Variants in GRB14 observed in about 807,000 individuals in gnomAD.
GRB14 encodes growth factor receptor bound protein 14, also known as growth factor receptor-bound protein 14.
Under a neutral mutation model 69.1 loss-of-function variants are expected in GRB14, and 38 were observed. The ratio of observed to expected loss-of-function variants is 0.55; its 90% CI spans 0.42 to 0.72. The LOEUF is 0.72. Among genes scored for constraint, GRB14 ranks in the 30% least tolerant of loss-of-function variants. GRB14 has a pLI of 0.00. For synonymous variants in GRB14, 247 were observed against 241.3 expected (o/e 1.02, Z -0.22); for missense variants, 666 against 666.1 (o/e 1.00, Z 0.00).
At position 164,558,742 on chromosome 2, in the gene GRB14, T is replaced by A. The variant is rs116139810; in HGVS notation, c.325-10926A>T. 6.7e-3 allele frequency among the ~76,000 whole-genome samples: 1,025 copies of A among 152,268 alleles called. 5 individuals are homozygous for A. Among genetic ancestry groups the A allele is most frequent in the Middle Eastern group, 0.014 (4 of 294 alleles). On this transcript the variant is annotated intron_variant, in intron 2 of 13. Transcript: ENST00000263915. ...CAATAGTTTATTCCCAGAACAGCCA[T>A]AAGACATGTCTAAGTGAAAAAGTTA...
intron 2 of GRB14, among the ~76,000 whole-genome samples, chr2:164,589,621 C>T (rs1339498550): frequency 6.6e-6 from 1 of 152,042 alleles, no homozygotes; most frequent in Non-Finnish European, 1.5e-5. Context: ...ACTAATTTGC[C>T]TCCCACTCAA....
intron 2 of GRB14, among the ~76,000 whole-genome samples, chr2:164,615,171 T>A (rs1043233178): frequency 6.6e-6 from 1 of 152,150 alleles, no homozygotes; most frequent in African/African-American, 2.4e-5. Flanking sequence ...AATCTTAAAA[T>A]GCAGGTGACA....
intron 2 of GRB14, among the ~76,000 whole-genome samples, chr2:164,591,748 A>T (rs1689669335): frequency 6.6e-6 from 1 of 152,126 alleles, no homozygotes; most frequent in South Asian, 2.1e-4. Flanking sequence ...CTGAGCTGAC[A>T]CACTTGGTAA....
At chr2:164,556,667 T>C (rs1688684898) in intron 2 of GRB14, among the ~76,000 whole-genome samples, 1 of 152,164 alleles carries the variant, frequency 6.6e-6, no homozygotes, top group Non-Finnish European at 1.5e-5. Flanking sequence ...CCCTCATATC[T>C]TAGGATAAAC....
At chr2:164,493,252 A>G in intron 13 of GRB14, 70 bp from the exon 14 acceptor site, 1 of 1,433,906 alleles carries the variant, frequency 7.0e-7, no homozygotes, top group South Asian at 1.3e-5. Flanking sequence ...ATTCGATTGC[A>G]AACTATCTCC....
chr2:164,513,804 G>A (rs1446495098), intron 6 of GRB14, among the ~76,000 whole-genome samples: 1 of 152,138 alleles, frequency 6.6e-6, no homozygotes, highest in Non-Finnish European at 1.5e-5. Flanking sequence ...AGAAGCAACA[G>A]TGTTGTCATT....
In GRB14 at chr2:164,549,406, C is replaced by G. The variant is rs189969870; in HGVS notation, c.325-1590G>C. ...TACAGTGTCTTCTACATTTAATTTT[C>G]TTATACACTGAATGAATGTTATCTA... is the stretch of plus-strand genomic sequence containing the variant. On this transcript the variant is annotated intron_variant, in intron 2 of 13. Transcript: ENST00000263915. Among the ~76,000 whole-genome samples the G allele has an allele frequency of 9.4e-4, 143 of 152,212 alleles. 1 individual carries two copies. Among genetic ancestry groups the G allele is most frequent in the African/African-American group, 3.2e-3 (132 of 41,526 alleles).
chr2:164,610,104 T>C (rs1482074420), intron 2 of GRB14, among the ~76,000 whole-genome samples: 1 of 152,186 alleles, frequency 6.6e-6, no homozygotes, highest in African/African-American at 2.4e-5. Flanking sequence ...TTCTCTTAAA[T>C]CTATGTTTGA....
intron 2 of GRB14, among the ~76,000 whole-genome samples, chr2:164,606,443 G>A (rs778134446): frequency 3.9e-5 from 6 of 152,022 alleles, no homozygotes; most frequent in Non-Finnish European, 8.8e-5. Flanking sequence ...CTTTCATTAC[G>A]ACTCCTCTTT....
chr2:164,528,505 T>G (rs969982822), intron 3 of GRB14, among the ~76,000 whole-genome samples: 1 of 152,132 alleles, frequency 6.6e-6, no homozygotes, highest in African/African-American at 2.4e-5. Context: ...GAAAGTAATA[T>G]CATTCTTAAA....
intron 2 of GRB14, among the ~76,000 whole-genome samples, chr2:164,589,549 G>C (rs74557800): frequency 0.012 from 1,823 of 152,192 alleles, 33 homozygotes; most frequent in African/African-American, 0.041. Context: ...GGAAGCAAGA[G>C]AGAGAAAGGA....
intron 7 of GRB14, 37 bp downstream of exon 7, chr2:164,508,705 C>A: frequency 6.6e-7 from 1 of 1,509,126 alleles, no homozygotes; most frequent in South Asian, 1.2e-5. Context: ...AAGGCTGAGG[C>A]TTGCTTTATT....
At chr2:164,618,254 G>GT (rs1035574279) in intron 2 of GRB14, among the ~76,000 whole-genome samples, 16 of 151,508 alleles carry the variant, frequency 1.1e-4, no homozygotes, top group African/African-American at 3.9e-4. Context: ...GATTACAGGC[G>GT]TGAGCCACCG....
At chr2:164,535,642 C>T (rs973712253) in intron 3 of GRB14, among the ~76,000 whole-genome samples, 6 of 152,166 alleles carry the variant, frequency 3.9e-5, no homozygotes, top group Non-Finnish European at 1.5e-5. Context: ...TTTTGTCAAT[C>T]TTATTTTCAG....
At chr2:164,511,785 C>T (rs1687344458) in intron 6 of GRB14, among the ~76,000 whole-genome samples, 1 of 152,058 alleles carries the variant, frequency 6.6e-6, no homozygotes, top group Non-Finnish European at 1.5e-5. Flanking sequence ...AATGTATGTT[C>T]GATGCTAGCT....
At chr2:164,592,453 T>A (rs1689688861) in intron 2 of GRB14, among the ~76,000 whole-genome samples, 1 of 152,088 alleles carries the variant, frequency 6.6e-6, no homozygotes, top group Admixed American at 6.5e-5. Flanking sequence ...TATGTCTTTA[T>A]CAGCAGTGTG....
intron 2 of GRB14, among the ~76,000 whole-genome samples, chr2:164,618,664 C>T (rs1008550901): frequency 1.7e-4 from 26 of 152,184 alleles, no homozygotes; most frequent in African/African-American, 6.3e-4. Flanking sequence ...CCTACTGTCT[C>T]TATCATTTCT....
chr2:164,518,330 T>C (rs772206474), intron 6 of GRB14, among the ~76,000 whole-genome samples: 7 of 152,062 alleles, frequency 4.6e-5, no homozygotes, highest in Non-Finnish European at 1.0e-4. Flanking sequence ...ACAATGATAG[T>C]GACACAACCT....
At position 164,612,714 on chromosome 2, in the gene GRB14, T is replaced by C. The variant is rs115158836; in HGVS notation, c.324+6973A>G. Among the ~76,000 whole-genome samples the C allele has an allele frequency of 4.4e-3, 677 of 152,328 alleles. 6 individuals are homozygous for C. Among genetic ancestry groups the C allele is most frequent in the African/African-American group, 0.016 (648 of 41,564 alleles). On this transcript the variant is annotated intron_variant, in intron 2 of 13. Coordinates refer to ENST00000263915, the MANE Select transcript of GRB14 (RefSeq NM_004490.3). ...TTATATTAATTAAAATCCACACTTA[T>C]ATTGAACCATGATGACTCCAATTTT...
Sources: allele counts gnomAD v4.1 joint callset (sites outside exome capture counted in the v4.1 genomes callset), GRCh38; gene constraint gnomAD v4.1.1; transcripts MANE v1.5; gene names NCBI Gene and HGNC (gene_info 2026-07-23, HGNC 2026-07-21).